The following MPHOSPH10 variants were observed in gnomAD, a reference collection of about 807,000 sequenced individuals.
MPHOSPH10 encodes the protein U3 small nucleolar ribonucleoprotein MPP10.
In MPHOSPH10, 33 loss-of-function variants were observed where a neutral mutation model predicts 77.3. That is an observed-to-expected ratio of 0.43 (90% confidence interval 0.32 to 0.57). The LOEUF is 0.57. MPHOSPH10 is among the 20% of genes least tolerant of loss of function. The probability of loss-of-function intolerance (pLI) is 0.07; values close to 1 mark genes in which losing one functional copy is unlikely to be tolerated. For synonymous variants in MPHOSPH10, 245 were observed against 268.0 expected (o/e 0.91, Z 0.84); for missense variants, 708 against 780.1 (o/e 0.91, Z 1.10).
At chr2:71,146,962 T>C (rs1673721237) in intron 8 of MPHOSPH10, among the ~76,000 whole-genome samples, 1 of 152,238 alleles carries the variant, frequency 6.6e-6, no homozygotes, top group Non-Finnish European at 1.5e-5. Context: ...ATTTCTTGGG[T>C]AGTTCTTTCA....
At chr2:71,135,608 A>G (rs1294248183) in intron 4 of MPHOSPH10, among the ~76,000 whole-genome samples, 5 of 151,524 alleles carry the variant, frequency 3.3e-5, no homozygotes, top group African/African-American at 1.2e-4. Flanking sequence ...CTTTATATGT[A>G]TAGCATGTCT....
chr2:71,132,867 A>G (rs1343435161), intron 1 of MPHOSPH10, 31 bp from the exon 2 acceptor site: 2 of 1,541,554 alleles, frequency 1.3e-6, no homozygotes, highest in Non-Finnish European at 1.8e-6. Flanking sequence ...ATTACCTGTA[A>G]TTCTAAATCT....
chr2:71,145,129 CCTGT>C (rs1673683264), intron 8 of MPHOSPH10, among the ~76,000 whole-genome samples: 1 of 152,194 alleles, frequency 6.6e-6, no homozygotes, highest in Non-Finnish European at 1.5e-5. Context: ...ATGCTCCTCC[CCTGT>C]CTGTCTGTCA....
rs10199088 is a variant in MPHOSPH10 at position 71,133,014 on chromosome 2, A to C, written c.206A>C (p.Glu69Ala). The change falls in exon 2 of 11, where the codon GAA (glutamate) becomes GCA (alanine). Residue 69 changes from glutamate (E) to alanine (A), a missense_variant. Coordinates refer to ENST00000244230, the MANE Select transcript of MPHOSPH10 (RefSeq NM_005791.3). ...AGCCCCTTGCAAAAACTTGTGATAG[A>C]AAATTTTGATGATGAGCAGATTTGG... ...HGSPLQKLVI[E>A]NFDDEQIWQQ... 0.32 allele frequency: 513,436 copies of C among 1,613,766 alleles called. 82,878 individuals carry two copies. Among genetic ancestry groups the C allele is most frequent in the Admixed American group, 0.42 (25,147 of 59,990 alleles).
At chr2:71,148,958 A>C (rs955599645) in intron 9 of MPHOSPH10, 2 of 465,482 alleles carry the variant, frequency 4.3e-6, no homozygotes, top group African/African-American at 4.0e-5. Context: ...TTGAGAACCC[A>C]ACTCTCCATG....
intron 8 of MPHOSPH10, among the ~76,000 whole-genome samples, chr2:71,147,093 A>C (rs1673728566): frequency 6.6e-6 from 1 of 152,088 alleles, no homozygotes. Context: ...ATTATTTCAT[A>C]TTTGTTTATA....
At position 71,138,603 on chromosome 2, in the gene MPHOSPH10, C is replaced by A. The variant is rs769651496; in HGVS notation, c.1212C>A (p.Thr404=). 7 of 1,614,094 alleles carry A rather than the reference C, an allele frequency of 4.3e-6. No homozygotes were observed. The Admixed American group carries it at 1.2e-4, about 27-fold the overall frequency. The change falls in exon 5 of 11, where the codon ACC becomes ACA. Residue 404 remains threonine, a synonymous_variant. Coordinates refer to ENST00000244230, the MANE Select transcript of MPHOSPH10 (RefSeq NM_005791.3). ...KRPENSLLEE[T]LHFDHAVRMA... is the part of the protein sequence containing the mutation. Reference sequence around the variant, plus strand: ...CAGAGAACAGCCTCCTGGAGGAGACCCTACACTTTGACCATGCTGTCCGGA... The same window carrying A: ...CAGAGAACAGCCTCCTGGAGGAGACACTACACTTTGACCATGCTGTCCGGA...
intron 4 of MPHOSPH10, among the ~76,000 whole-genome samples, chr2:71,137,134 G>A (rs1436126806): frequency 6.6e-6 from 1 of 151,660 alleles, no homozygotes; most frequent in Non-Finnish European, 1.5e-5. Context: ...ATATATGTCA[G>A]AAAGACATTT....
chr2:71,137,366 A>G (rs1673516959), intron 4 of MPHOSPH10, among the ~76,000 whole-genome samples: 1 of 152,192 alleles, frequency 6.6e-6, no homozygotes, highest in Non-Finnish European at 1.5e-5. Flanking sequence ...AAGATAAGAG[A>G]TGAGGAAAAC....
chr2:71,137,656 CA>C (rs60072810), intron 4 of MPHOSPH10, among the ~76,000 whole-genome samples: 1,610 of 46,322 alleles, frequency 0.035, 7 homozygotes, highest in African/African-American at 0.063. Context: ...GAGACTGTCT[CA>C]AAAAAAAAAA....
chr2:71,148,156 C>A (rs1572902095), intron 9 of MPHOSPH10, 50 bp downstream of exon 9: 2 of 1,434,854 alleles, frequency 1.4e-6, no homozygotes, highest in South Asian at 1.1e-5. Flanking sequence ...GTTAGTTGAT[C>A]ATAGCCAGAC....
At position 71,132,943 on chromosome 2, in the gene MPHOSPH10, G is replaced by A; in HGVS notation, c.135G>A (p.Val45=). The change falls in exon 2 of 11, where the codon GTG becomes GTA. Residue 45 remains valine, a synonymous_variant. Transcript: ENST00000244230. ...CAAAGTTCACTTCTTTAACAAAAGTGCTTTATGACTTTAATAAAATATTAG... is the reference window on the plus strand; with the variant it reads ...CAAAGTTCACTTCTTTAACAAAAGTACTTTATGACTTTAATAAAATATTAG... ...LASKFTSLTK[V]LYDFNKILEN... 1 of 1,613,206 alleles carries A rather than the reference G, an allele frequency of 6.2e-7. No homozygotes were observed. Among genetic ancestry groups the A allele is most frequent in the Admixed American group, 1.7e-5 (1 of 59,902 alleles).
intron 6 of MPHOSPH10, among the ~76,000 whole-genome samples, chr2:71,140,706 A>G (rs1673593906): frequency 6.6e-6 from 1 of 152,204 alleles, no homozygotes; most frequent in Admixed American, 6.5e-5. Flanking sequence ...TTAGAATAAA[A>G]CTTAGATATA....
intron 4 of MPHOSPH10, among the ~76,000 whole-genome samples, chr2:71,138,209 TGAATA>T (rs1179752934): frequency 4.6e-5 from 7 of 152,200 alleles, no homozygotes; most frequent in Non-Finnish European, 8.8e-5. Flanking sequence ...ATAGATCACT[TGAATA>T]GAATAGAGCC....
intron 7 of MPHOSPH10, among the ~76,000 whole-genome samples, chr2:71,143,476 T>G (rs963882213): frequency 3.9e-5 from 6 of 152,118 alleles, no homozygotes; most frequent in African/African-American, 1.4e-4. Flanking sequence ...TGATGTGAGA[T>G]TTATATAACA....
chr2:71,131,556 A>G (rs1191960859), intron 1 of MPHOSPH10, among the ~76,000 whole-genome samples: 1 of 152,206 alleles, frequency 6.6e-6, no homozygotes, highest in Non-Finnish European at 1.5e-5. Context: ...GTGAGCCACA[A>G]GGCTGTTTAT....
intron 5 of MPHOSPH10, 35 bp from the exon 6 acceptor site, chr2:71,139,760 A>G (rs959452149): frequency 6.8e-7 from 1 of 1,475,250 alleles, no homozygotes; most frequent in Non-Finnish European, 9.4e-7. Flanking sequence ...TCTAGTGGAT[A>G]TCTACCTAAT....
At position 71,134,715 on chromosome 2, in the gene MPHOSPH10, C is replaced by G. The variant is rs757922970; in HGVS notation, c.1016C>G (p.Ala339Gly). The G allele has an allele frequency of 6.2e-7, 1 of 1,611,050 alleles. No homozygotes were observed. The highest frequency in any genetic ancestry group is 2.2e-5 in the East Asian group (1 of 44,772). ...GTGACCTTTGCTTTACCAGATGATG[C>G]GGAAACTGAAGATACAGGTGTTTTA... ...KRVTFALPDD[A>G]ETEDTGVLNV... The change falls in exon 4 of 11, where the codon GCG (alanine) becomes GGG (glycine). Residue 339 changes from alanine to glycine, a missense_variant. Ala to Gly is a moderately conservative substitution (Grantham distance 60). Around this residue, in one of 3 missense-constraint regions of MPHOSPH10, gnomAD observed 433 missense variants for 432.6 expected, o/e 1.00. Transcript: ENST00000244230.
chr2:71,134,475 G>T, intron 3 of MPHOSPH10, 151 bp from the exon 4 acceptor site: 1 of 659,714 alleles, frequency 1.5e-6, no homozygotes, highest in Non-Finnish European at 2.5e-6. Flanking sequence ...AATACCTTTT[G>T]TTCCTTAATA....
Sources: gnomAD v4.1 joint callset for allele counts (sites outside exome capture counted in the v4.1 genomes callset) on GRCh38, gnomAD v4.1.1 for gene constraint, gnomAD v4.1.1 regional missense constraint, MANE v1.5 for transcripts, NCBI Gene and HGNC (gene_info 2026-07-23, HGNC 2026-07-21) for gene names.